OLAH: variants seen among roughly 807,000 people sequenced by gnomAD.
OLAH encodes the protein S-acyl fatty acid synthase thioesterase, medium chain.
OLAH carries 33 observed loss-of-function variants against 27.8 expected under a neutral mutation model. That is an observed-to-expected ratio of 1.19 (90% CI 0.90 to 1.59). The LOEUF is 1.59. OLAH is among the 40% of genes most tolerant of loss of function. OLAH has a pLI of 0.00. For missense variants in OLAH, 359 were observed against 310.8 expected (o/e 1.16, Z -1.17); for synonymous variants, 120 against 102.9 (o/e 1.17, Z -1.01).
intron 2 of OLAH, among the ~76,000 whole-genome samples, chr10:15,048,992 A>C (rs1000029838): frequency 6.6e-6 from 1 of 151,970 alleles, no homozygotes; most frequent in African/African-American, 2.4e-5. Flanking sequence ...AATCTCAACT[A>C]CATGGGAGGC....
intron 1 of OLAH, among the ~76,000 whole-genome samples, chr10:15,036,256 G>C (rs1564523900): frequency 6.6e-6 from 1 of 152,110 alleles, no homozygotes. Flanking sequence ...CTAGCACTTT[G>C]GGATTCCAAG....
At chr10:15,046,675 C>T (rs1267494884) in intron 1 of OLAH, among the ~76,000 whole-genome samples, 1 of 152,090 alleles carries the variant, frequency 6.6e-6, no homozygotes, top group Admixed American at 6.6e-5. Flanking sequence ...ACCGTGTTGG[C>T]CAGGCTGGTC....
chr10:15,039,360 C>G (rs531217425), upstream of OLAH, among the ~76,000 whole-genome samples: 29 of 151,604 alleles, frequency 1.9e-4, no homozygotes, highest in African/African-American at 6.5e-4. Flanking sequence ...GGTAGATCAC[C>G]TGAGGTCAGG....
upstream of OLAH, chr10:15,032,243 TC>T (rs1472604645): frequency 6.6e-6 from 1 of 152,076 alleles, no homozygotes; most frequent in Non-Finnish European, 1.5e-5. Context: ...GCTGGATGCT[TC>T]CCGCCCTTGA....
chr10:15,035,933 G>A (rs1471014812), intron 1 of OLAH, among the ~76,000 whole-genome samples: 2 of 152,094 alleles, frequency 1.3e-5, no homozygotes, highest in Non-Finnish European at 2.9e-5. Context: ...AATCTCGCGA[G>A]GCAGCTGAAG....
Position 15,064,493 on chromosome 10 carries a change from TC to T in OLAH, c.395del (p.Pro132LeufsTer21), listed in dbSNP as rs749509140. ...PLHLFLSSAT[P>X]VHSKAWHRIP... is the part of the protein sequence containing the mutation. ...TGCATTTATTTTTGTCAAGTGCAAC[TC>T]CTGTACATGTAAGTAATTTAGCTTT... On this transcript the variant is annotated frameshift_variant, in exon 5 of 8. Transcript: ENST00000378228. LOFTEE classifies it high-confidence loss of function. 5.1e-6 allele frequency: 8 copies of T among 1,580,492 alleles called. No homozygotes were observed.
upstream of OLAH, among the ~76,000 whole-genome samples, chr10:15,041,654 C>A (rs372712780): frequency 6.6e-5 from 10 of 152,034 alleles, no homozygotes; most frequent in Non-Finnish European, 1.3e-4. Context: ...CGGCTCACTG[C>A]AAACTCCACC....
upstream of OLAH, among the ~76,000 whole-genome samples, chr10:15,043,440 A>G (rs575417637): frequency 1.3e-5 from 2 of 149,274 alleles, no homozygotes; most frequent in Admixed American, 6.7e-5. Context: ...CTGAAAGTCA[A>G]TTCACCTTTT....
Position 15,049,744 on chromosome 10 carries a change from G to T in OLAH, c.142G>T (p.Asp48Tyr), listed in dbSNP as rs746825688. ...GSTHFAKWGQDTHDLLEVHSL... is the reference protein window; with the variant it reads ...GSTHFAKWGQYTHDLLEVHSL... ...CACTCATTTTGCCAAATGGGGCCAA[G>T]ATACTCATGATTTGCTGGAAGGTAT... The change falls in exon 3 of 8, where the codon GAT (aspartate) becomes TAT (tyrosine). Residue 48 changes from aspartate to tyrosine, a missense_variant. Transcript: ENST00000378228. 1.1e-5 allele frequency: 17 copies of T among 1,605,628 alleles called. No individual in the cohort carries two copies. The highest frequency in any genetic ancestry group is 5.6e-5 in the South Asian group (5 of 88,642).
At position 15,034,110 on chromosome 10, in the gene OLAH, T is replaced by C. The variant is rs11259445; in HGVS notation, c.-164+1760T>C. Among the ~76,000 whole-genome samples, 8 of 80,896 alleles carry C rather than the reference T, an allele frequency of 9.9e-5. No individual in the cohort carries two copies. The East Asian group carries it at 1.7e-3, about 17-fold the overall frequency. 53.1% of individuals were successfully genotyped at this position (80,896 alleles called of 152,430 possible). A position where few individuals can be genotyped will look rare whatever the true frequency, so the allele number is the denominator to read the frequency against. ...AAAGGGCAGACTCCACCATTTTTTTTTTTTCTTTTTTTTTTTTTTTTGAGA... is the reference window on the plus strand; with the variant it reads ...AAAGGGCAGACTCCACCATTTTTTTCTTTTCTTTTTTTTTTTTTTTTGAGA... On this transcript the variant is annotated intron_variant, in intron 1 of 3. Coordinates refer to the OLAH transcript ENST00000413672.
upstream of OLAH, among the ~76,000 whole-genome samples, chr10:15,042,973 G>T (rs1219010144): frequency 6.9e-6 from 1 of 145,074 alleles, no homozygotes; most frequent in East Asian, 2.1e-4. Flanking sequence ...CCATTCTCCT[G>T]GCTCAGCCTC....
intron 6 of OLAH, chr10:15,068,157 T>C (rs1022372533): frequency 6.6e-6 from 1 of 152,240 alleles, no homozygotes; most frequent in African/African-American, 2.4e-5. Flanking sequence ...ATTTCTGTTA[T>C]TTCTAGAAAT....
At chr10:15,045,902 G>A (rs1435043024) in intron 1 of OLAH, among the ~76,000 whole-genome samples, 1 of 152,022 alleles carries the variant, frequency 6.6e-6, no homozygotes, top group African/African-American at 2.4e-5. Flanking sequence ...CTGGTGGCGG[G>A]TGCCTGTAAT....
At chr10:15,035,630 G>C (rs1843829922) in intron 1 of OLAH, among the ~76,000 whole-genome samples, 1 of 152,040 alleles carries the variant, frequency 6.6e-6, no homozygotes, top group Admixed American at 6.6e-5. Flanking sequence ...CCAGCAGGGG[G>C]GATGACATTT....
At chr10:15,061,702 A>G in intron 3 of OLAH, 22 bp from the exon 4 acceptor site, 4 of 1,580,442 alleles carry the variant, frequency 2.5e-6, no homozygotes, top group Admixed American at 1.9e-5. Flanking sequence ...GTGCGTGTTC[A>G]CTTGTGTTTC....
chr10:15,070,681 G>A (rs577694699), intron 6 of OLAH, among the ~76,000 whole-genome samples: 5 of 151,686 alleles, frequency 3.3e-5, no homozygotes, highest in African/African-American at 7.3e-5. Context: ...GGGGTTTCCC[G>A]TGTTGGTCAG....
intron 3 of OLAH, among the ~76,000 whole-genome samples, chr10:15,054,475 A>G (rs1219481169): frequency 1.3e-5 from 2 of 152,222 alleles, no homozygotes; most frequent in Non-Finnish European, 2.9e-5. Flanking sequence ...TCACAGAGCC[A>G]TTACGATTCG....
intron 1 of OLAH, among the ~76,000 whole-genome samples, chr10:15,038,436 C>T (rs1000032771): frequency 1.3e-5 from 2 of 152,190 alleles, no homozygotes; most frequent in African/African-American, 4.8e-5. Flanking sequence ...AATTTCATCT[C>T]GAATTGTAAC....
chr10:15,047,108 C>T lies in OLAH; in HGVS notation c.-163-18C>T, dbSNP rs1227312586. 1 of 484,002 alleles carries T rather than the reference C, an allele frequency of 2.1e-6. No homozygotes were observed. The highest frequency in any genetic ancestry group is 3.6e-6 in the Non-Finnish European group (1 of 274,568). The allele number at this position is 484,002 out of a possible 1,614,324, so 30.0% of individuals were successfully genotyped here. ...GTCTTCTCCTTCCTTTTCCTCTGAC[C>T]TTCTTTATTTTTAACAGGGATTGGA... On this transcript the variant is annotated intron_variant, in intron 1 of 7. Transcript: ENST00000378228.
Sources: allele counts gnomAD v4.1 joint callset (sites outside exome capture counted in the v4.1 genomes callset), GRCh38; gene constraint gnomAD v4.1.1; transcripts MANE v1.5; gene names NCBI Gene and HGNC (gene_info 2026-07-23, HGNC 2026-07-21).